The following ZSCAN18 variants were observed in gnomAD, a reference collection of about 807,000 sequenced individuals.
ZSCAN18 encodes zinc finger and SCAN domain containing 18, also known as zinc finger and SCAN domain-containing protein 18.
In ZSCAN18, 16 loss-of-function variants were observed where a neutral mutation model predicts 31.1. The ratio of observed to expected loss-of-function variants is 0.51; its 90% CI spans 0.35 to 0.78. The LOEUF (loss-of-function observed/expected upper bound fraction) is 0.78. Among genes scored for constraint, ZSCAN18 ranks in the 30% least tolerant of loss-of-function variants. The pLI, the probability that ZSCAN18 is intolerant of heterozygous loss-of-function variation, is 0.01. For missense variants in ZSCAN18, 731 were observed against 697.4 expected (o/e 1.05, Z -0.54); for synonymous variants, 375 against 320.7 (o/e 1.17, Z -1.81).
chr19:58,086,989 T>A lies in ZSCAN18; in HGVS notation c.662A>T (p.Glu221Val), dbSNP rs140551518. ...NTEQKLKSFP[E>V]DPQHLGEWGH... Reference sequence around the variant, plus strand: ...CCACTCCCCCAGGTGCTGAGGGTCCTCTGGAAAGGACTTCAGCTTCTGAAA... The same window carrying A: ...CCACTCCCCCAGGTGCTGAGGGTCCACTGGAAAGGACTTCAGCTTCTGAAA... Residue 221 changes from glutamate to valine, a missense_variant, in exon 5 of 7, where the codon GAG becomes GTG. By Grantham distance (121) the Glu-to-Val change is moderately radical (BLOSUM62 -2). Coordinates refer to ENST00000601144, the MANE Select transcript of ZSCAN18 (RefSeq NM_001145543.2). 28 of 1,613,556 alleles carry A rather than the reference T, an allele frequency of 1.7e-5. No homozygotes were observed. The highest frequency in any genetic ancestry group is 2.3e-5 in the Non-Finnish European group (27 of 1,179,846).
At position 58,108,020 on chromosome 19, in the gene ZSCAN18, C is replaced by T. The variant is rs1049104111; in HGVS notation, c.130+10247G>A. On this transcript the variant is annotated intron_variant, in intron 1 of 1. Transcript: ENST00000595721. ...TGGTTACAGCCACAGACCTTCTCAC[C>T]AGTATGAATCCTCTTGTGCCTGATG... The T allele has an allele frequency of 6.8e-6, 7 of 1,022,424 alleles. No individual in the cohort carries two copies. The African/African-American group carries it at 1.2e-4, about 18-fold the overall frequency. 63.3% of individuals were successfully genotyped at this position (1,022,424 alleles called of 1,614,324 possible). A position where few individuals can be genotyped will look rare whatever the true frequency, so the allele number is the denominator to read the frequency against.
intron 1 of ZSCAN18, among the ~76,000 whole-genome samples, chr19:58,097,745 C>T (rs112799437): frequency 0.021 from 2,516 of 121,368 alleles, 141 homozygotes; most frequent in African/African-American, 0.078. Flanking sequence ...CAGGAGCCTC[C>T]CCCTCCCCCT....
chr19:58,106,101 T>C (rs1342617902), intron 1 of ZSCAN18, among the ~76,000 whole-genome samples: 1 of 152,206 alleles, frequency 6.6e-6, no homozygotes, highest in Non-Finnish European at 1.5e-5. Context: ...CTATGCTAGA[T>C]GCCATTAAGA....
chr19:58,087,064 G>C (rs560785153), intron 4 of ZSCAN18, 56 bp from the exon 5 acceptor site: 1 of 1,431,018 alleles, frequency 7.0e-7, no homozygotes, highest in Admixed American at 1.9e-5. Flanking sequence ...GGGAGGACCC[G>C]CCGCAGCCCC....
upstream of ZSCAN18, among the ~76,000 whole-genome samples, chr19:58,098,954 G>A (rs2074569256): frequency 6.6e-6 from 1 of 152,138 alleles, no homozygotes; most frequent in African/African-American, 2.4e-5. Context: ...AAATGTGAGT[G>A]GCAGCTGGGG....
chr19:58,088,726 G>T lies in ZSCAN18; in HGVS notation c.515C>A (p.Ala172Asp), dbSNP rs1399063047. 1 of 1,611,628 alleles carries T rather than the reference G, an allele frequency of 6.2e-7. No homozygotes were observed. The highest frequency in any genetic ancestry group is 8.5e-7 in the Non-Finnish European group (1 of 1,180,000). ...TGCCGGGATCTCCCCAGCTCCAAGG[G>T]CCTGGCTGGGGCTCGCGAGCTCGCC... Reference protein sequence around the residue: ...LPGELASPSQALGAGEIPAPS... With the variant: ...LPGELASPSQDLGAGEIPAPS... The change falls in exon 3 of 7, where the codon GCC (alanine) becomes GAC (aspartate). Residue 172 changes from alanine to aspartate, a missense_variant. Around this residue, in one of 4 missense-constraint regions of ZSCAN18, gnomAD observed 597 missense variants for 499.5 expected, o/e 1.20. Transcript: ENST00000601144.
intron 1 of ZSCAN18, among the ~76,000 whole-genome samples, chr19:58,104,711 A>AAAATT (rs1205242666): frequency 7.8e-6 from 1 of 127,436 alleles, no homozygotes; most frequent in African/African-American, 3.2e-5. Context: ...TCAATAAAAT[A>AAAATT]AAATAAAATA....
intron 1 of ZSCAN18, chr19:58,118,264 C>T: frequency 7.0e-7 from 1 of 1,430,830 alleles, no homozygotes; most frequent in African/African-American, 1.5e-5. Context: ...TCCTTGACCC[C>T]ACCCTCACTA....
chr19:58,087,508 T>A (rs1199983431), intron 3 of ZSCAN18, 104 bp from the exon 4 acceptor site: 1 of 987,116 alleles, frequency 1.0e-6, no homozygotes, highest in African/African-American at 1.6e-5. Flanking sequence ...CCCAGTGTGC[T>A]TCTGTGACAG....
rs1877297126 is a variant in ZSCAN18 at position 58,090,552 on chromosome 19, T to C, written c.-119-166A>G. On this transcript the variant is annotated intron_variant, in intron 1 of 6. Coordinates refer to ENST00000601144, the MANE Select transcript of ZSCAN18 (RefSeq NM_001145543.2). This position sits in a 1 kb window ranked among gnomAD's most constrained non-coding sequence, Gnocchi z 4.7. ...GTGTTGTACTCATGTAGATAAAAAGTAGCATGTAAATGGAGGGTAACTCAT... is the reference window on the plus strand; with the variant it reads ...GTGTTGTACTCATGTAGATAAAAAGCAGCATGTAAATGGAGGGTAACTCAT... 2 of 572,568 alleles carry C rather than the reference T, an allele frequency of 3.5e-6. No individual in the cohort carries two copies. Among genetic ancestry groups the C allele is most frequent in the Non-Finnish European group, 5.8e-6 (2 of 346,608 alleles). 35.5% of individuals were successfully genotyped at this position (572,568 alleles called of 1,614,324 possible).
In ZSCAN18 at chr19:58,093,758, A is replaced by G. The variant is rs553269103; in HGVS notation, c.-119-3372T>C. 1.5e-4 allele frequency among the ~76,000 whole-genome samples: 23 copies of G among 151,792 alleles called. No individual in the cohort carries two copies. In the South Asian group the frequency reaches 4.4e-3, roughly 29 times the overall value. ...AGGTAATGTCCTAATGTTTCTTACTATCTAATGCAATCACTTTTTTTTTTG... is the reference window on the plus strand; with the variant it reads ...AGGTAATGTCCTAATGTTTCTTACTGTCTAATGCAATCACTTTTTTTTTTG... On this transcript the variant is annotated intron_variant, in intron 1 of 6. Coordinates refer to ENST00000601144, the MANE Select transcript of ZSCAN18 (RefSeq NM_001145543.2).
In ZSCAN18 at chr19:58,084,854, G is replaced by A; in HGVS notation, c.1364C>T (p.Ala455Val). Residue 455 changes from alanine (A) to valine (V), a missense_variant, in exon 7 of 7, where the codon GCC becomes GTC. Ala to Val is a moderately conservative substitution (Grantham distance 64). Transcript: ENST00000601144. This position sits in a 1 kb window ranked among gnomAD's most constrained non-coding sequence, Gnocchi z 4.5. Reference protein sequence around the residue: ...GCWKTFHFSLALAEHQKTHEK... With the variant: ...GCWKTFHFSLVLAEHQKTHEK... ...GTGGGTCTTCTGGTGCTCGGCTAGG[G>A]CCAGGCTGAAGTGGAAGGTCTTCCA... The A allele has an allele frequency of 6.2e-7, 1 of 1,600,432 alleles. No homozygotes were observed. The highest frequency in any genetic ancestry group is 8.5e-7 in the Non-Finnish European group (1 of 1,175,264).
chr19:58,088,707 G>C lies in ZSCAN18; in HGVS notation c.534C>G (p.Ile178Met). The change falls in exon 3 of 7, where the codon ATC (isoleucine) becomes ATG (methionine). Residue 178 changes from isoleucine (I) to methionine (M), a missense_variant. This residue lies in a region of ZSCAN18 where 597 missense variants were observed against 499.5 expected (regional missense o/e 1.20). Coordinates refer to ENST00000601144, the MANE Select transcript of ZSCAN18 (RefSeq NM_001145543.2). ...ACTCACGTGTCTCAGAAGGTGCCGG[G>C]ATCTCCCCAGCTCCAAGGGCCTGGC... ...SPSQALGAGE[I>M]PAPSETPWLS... The C allele has an allele frequency of 1.9e-6, 3 of 1,610,568 alleles. No homozygotes were observed. Among genetic ancestry groups the C allele is most frequent in the Non-Finnish European group, 2.5e-6 (3 of 1,179,964 alleles).
At chr19:58,113,424 C>T (rs1046826695) in intron 1 of ZSCAN18, among the ~76,000 whole-genome samples, 2 of 151,970 alleles carry the variant, frequency 1.3e-5, no homozygotes, top group South Asian at 4.1e-4. Context: ...TCTGGGATGC[C>T]GGGGTGACTG....
chr19:58,087,573 G>A (rs554418938), intron 3 of ZSCAN18, 169 bp from the exon 4 acceptor site: 15 of 611,284 alleles, frequency 2.5e-5, no homozygotes, highest in South Asian at 8.0e-5. Context: ...AAAGCAGCGC[G>A]GTGGCCACAG....
At chr19:58,098,312 G>C, upstream of ZSCAN18, 1 of 985,488 alleles carries the variant, frequency 1.0e-6, no homozygotes, top group Non-Finnish European at 1.2e-6. Context: ...CCGCGCACCG[G>C]GGCGAGCAAG....
upstream of ZSCAN18, among the ~76,000 whole-genome samples, chr19:58,102,959 C>T (rs528660789): frequency 2.0e-5 from 3 of 152,010 alleles, no homozygotes; most frequent in African/African-American, 7.2e-5. Context: ...CTCGTCTCTA[C>T]TACAATACAG....
upstream of ZSCAN18, chr19:58,098,335 G>C (rs1021336663): frequency 5.1e-6 from 5 of 985,354 alleles, no homozygotes; most frequent in East Asian, 1.1e-4. Flanking sequence ...AGCCGTGACA[G>C]GTGACAGTGC....
At chr19:58,085,536 GC>G (rs2074261003) in intron 6 of ZSCAN18, 157 bp from the exon 7 acceptor site, 1 of 648,488 alleles carries the variant, frequency 1.5e-6, no homozygotes, top group Non-Finnish European at 2.5e-6. Context: ...TCCCTCCCAG[GC>G]AGCCCTGCAG....
Sources: allele counts gnomAD v4.1 joint callset (sites outside exome capture counted in the v4.1 genomes callset), GRCh38; gene constraint gnomAD v4.1.1; regional missense constraint gnomAD v4.1.1; non-coding constraint Gnocchi (gnomAD v3.1); transcripts MANE v1.5; gene names NCBI Gene and HGNC (gene_info 2026-07-23, HGNC 2026-07-21).